KCNT2: variants seen among roughly 807,000 people sequenced by gnomAD.
The protein encoded by KCNT2 is potassium sodium-activated channel subfamily T member 2.
KCNT2 carries 67 observed loss-of-function variants against 153.8 expected under a neutral mutation model. The observed-to-expected ratio is 0.44, with a 90% CI of 0.36 to 0.53. KCNT2 has a LOEUF of 0.53. Among genes scored for constraint, KCNT2 ranks in the 20% least tolerant of loss-of-function variants. KCNT2 has a pLI of 0.00. For synonymous variants in KCNT2, 500 were observed against 458.8 expected, an observed-to-expected ratio of 1.09 and a Z score of -1.15; for missense variants, 975 against 1,354.8, an observed-to-expected ratio of 0.72 and a Z score of 4.40.
At chr1:196,406,854 C>T (rs981618685) in intron 12 of KCNT2, among the ~76,000 whole-genome samples, 1 of 151,492 alleles carries the variant, frequency 6.6e-6, no homozygotes, top group Non-Finnish European at 1.5e-5. Flanking sequence ...CTTACAGATA[C>T]TTAATGATAA....
chr1:196,509,637 G>T lies in KCNT2; in HGVS notation c.96-17296C>A, dbSNP rs545250320. On this transcript the variant is annotated intron_variant, in intron 1 of 27. Coordinates refer to ENST00000294725, the MANE Select transcript of KCNT2 (RefSeq NM_198503.5). Reference sequence around the variant, plus strand: ...GAAATTATTTCTGTGAGGAAGACCAGAGAAGACAGTATAGCAGTCCAGAGT... The same window carrying T: ...GAAATTATTTCTGTGAGGAAGACCATAGAAGACAGTATAGCAGTCCAGAGT... 2.6e-5 allele frequency among the ~76,000 whole-genome samples: 4 copies of T among 152,308 alleles called. No homozygotes were observed. The South Asian group carries it at 8.3e-4, about 32-fold the overall frequency.
intron 3 of KCNT2, among the ~76,000 whole-genome samples, chr1:196,487,167 T>C (rs1465824055): frequency 6.6e-6 from 1 of 151,972 alleles, no homozygotes; most frequent in Non-Finnish European, 1.5e-5. Flanking sequence ...TTCAGTCAAC[T>C]ACATTTCTCA....
chr1:196,581,161 C>A (rs973588717), intron 1 of KCNT2, among the ~76,000 whole-genome samples: 7 of 151,738 alleles, frequency 4.6e-5, no homozygotes, highest in Admixed American at 1.3e-4. Flanking sequence ...CCTTTCTGTA[C>A]CACATAGGCT....
At chr1:196,258,897 C>A (rs961579727) in intron 25 of KCNT2, among the ~76,000 whole-genome samples, 2 of 152,104 alleles carry the variant, frequency 1.3e-5, no homozygotes, top group African/African-American at 4.8e-5. Context: ...ACAAGTATTT[C>A]ACACTCAATT....
At chr1:196,390,918 CAT>C (rs1366038529) in intron 13 of KCNT2, among the ~76,000 whole-genome samples, 1 of 101,632 alleles carries the variant, frequency 9.8e-6, no homozygotes, top group African/African-American at 3.7e-5. Context: ...TAAAAAAAAA[CAT>C]ATGTTAGGAG....
At chr1:196,405,711 T>C (rs1325468014) in intron 12 of KCNT2, among the ~76,000 whole-genome samples, 1 of 151,546 alleles carries the variant, frequency 6.6e-6, no homozygotes, top group Non-Finnish European at 1.5e-5. Flanking sequence ...ATTTATAAAA[T>C]ACATCTGCAG....
At chr1:196,507,710 C>A (rs751830875) in intron 1 of KCNT2, among the ~76,000 whole-genome samples, 17 of 151,970 alleles carry the variant, frequency 1.1e-4, no homozygotes, top group Non-Finnish European at 1.3e-4. Context: ...ATGTTTTTAA[C>A]CTTTTGAAAA....
At chr1:196,387,304 C>CA (rs1301503675) in intron 13 of KCNT2, among the ~76,000 whole-genome samples, 1 of 151,836 alleles carries the variant, frequency 6.6e-6, no homozygotes, top group Non-Finnish European at 1.5e-5. Context: ...GTTAATTCAC[C>CA]ATACCATTTT....
chr1:196,556,065 G>A (rs1309074529), intron 1 of KCNT2, among the ~76,000 whole-genome samples: 1 of 151,190 alleles, frequency 6.6e-6, no homozygotes, highest in African/African-American at 2.4e-5. Flanking sequence ...GAAAACACTG[G>A]GGAAACTCTC....
chr1:196,231,104 G>C (rs1335922591), intron 27 of KCNT2, among the ~76,000 whole-genome samples: 1 of 151,708 alleles, frequency 6.6e-6, no homozygotes, highest in Non-Finnish European at 1.5e-5. Context: ...TCAACATTGA[G>C]GCAAGACTCT....
intron 14 of KCNT2, among the ~76,000 whole-genome samples, chr1:196,355,355 A>G (rs1023430241): frequency 1.6e-4 from 25 of 151,776 alleles, no homozygotes; most frequent in African/African-American, 5.6e-4. Flanking sequence ...TGCAGACACA[A>G]TATAAAGCAT....
chr1:196,451,101 T>G (rs1241162010), intron 8 of KCNT2, among the ~76,000 whole-genome samples: 1 of 151,644 alleles, frequency 6.6e-6, no homozygotes, highest in Non-Finnish European at 1.5e-5. Flanking sequence ...TAAAAAAGAT[T>G]TTGATCATTT....
At chr1:196,456,588 GC>G (rs896188468) in intron 8 of KCNT2, among the ~76,000 whole-genome samples, 4 of 151,860 alleles carry the variant, frequency 2.6e-5, no homozygotes, top group Non-Finnish European at 4.4e-5. Context: ...TCTTATTTAT[GC>G]CCCATTGGGT....
intron 21 of KCNT2, among the ~76,000 whole-genome samples, chr1:196,314,086 T>C (rs1474572205): frequency 6.6e-6 from 1 of 151,590 alleles, no homozygotes; most frequent in African/African-American, 2.4e-5. Context: ...TTTAAATTAC[T>C]AATTACAGCC....
chr1:196,590,698 G>T (rs1020669603), intron 1 of KCNT2, among the ~76,000 whole-genome samples: 7 of 152,130 alleles, frequency 4.6e-5, no homozygotes, highest in African/African-American at 1.7e-4. Context: ...GTAAAACAAA[G>T]CTCCTGTTTC....
intron 26 of KCNT2, among the ~76,000 whole-genome samples, chr1:196,239,430 C>T (rs1375074394): frequency 6.6e-6 from 1 of 151,598 alleles, no homozygotes; most frequent in Non-Finnish European, 1.5e-5. Flanking sequence ...ACTTCTTTTG[C>T]TATATTAACT....
intron 12 of KCNT2, among the ~76,000 whole-genome samples, chr1:196,418,934 T>C (rs1258577651): frequency 6.6e-6 from 1 of 152,022 alleles, no homozygotes; most frequent in Admixed American, 6.6e-5. Context: ...GAGGTGGCCT[T>C]CCTGAAGTTC....
intron 10 of KCNT2, among the ~76,000 whole-genome samples, chr1:196,427,087 A>G (rs1356891381): frequency 6.6e-6 from 1 of 152,088 alleles, no homozygotes; most frequent in African/African-American, 2.4e-5. Flanking sequence ...AAATTTTCCC[A>G]CAAATGGATT....
intron 1 of KCNT2, among the ~76,000 whole-genome samples, chr1:196,601,246 A>AG (rs1664684271): frequency 6.6e-6 from 1 of 152,154 alleles, no homozygotes; most frequent in Non-Finnish European, 1.5e-5. Flanking sequence ...TTCTTTGAAA[A>AG]CTTTCCCCAG....
Sources: allele counts gnomAD v4.1 joint callset (sites outside exome capture counted in the v4.1 genomes callset), GRCh38; gene constraint gnomAD v4.1.1; transcripts MANE v1.5; gene names NCBI Gene and HGNC (gene_info 2026-07-23, HGNC 2026-07-21).